DNMT3A: variants seen among roughly 807,000 people sequenced by gnomAD.
DNMT3A encodes DNA (cytosine-5)-methyltransferase 3A.
Under a neutral mutation model 117.6 loss-of-function variants are expected in DNMT3A, and 267 were observed. The observed-to-expected ratio is 2.27, with a 90% CI of 2.05 to 2.51. DNMT3A has a LOEUF of 2.51. Among genes scored for constraint, DNMT3A ranks in the 30% most tolerant of loss-of-function variants. The pLI, the probability that DNMT3A is intolerant of heterozygous loss-of-function variation, is 0.00. For missense variants in DNMT3A, 1,029 were observed against 1,260.2 expected, an observed-to-expected ratio of 0.82 and a Z score of 2.78; for synonymous variants, 432 against 474.8, an observed-to-expected ratio of 0.91 and a Z score of 1.17.
In DNMT3A at chr2:25,243,670, C is replaced by T. The variant is rs141272943; in HGVS notation, c.1936+228G>A. Among the ~76,000 whole-genome samples the T allele has an allele frequency of 2.8e-3, 422 of 152,346 alleles. 2 individuals are homozygous for T. Among genetic ancestry groups the T allele is most frequent in the African/African-American group, 9.4e-3 (393 of 41,590 alleles). ...GGCTGAATCTTCCTTACTAAGGAAG[C>T]GCCCAGCAGGCAGGCTGCTTTACCA... On this transcript the variant is annotated intron_variant, in intron 16 of 22. Coordinates refer to ENST00000321117, the MANE Select transcript of DNMT3A (RefSeq NM_022552.5).
In DNMT3A at chr2:25,249,418, G is replaced by A. The variant is rs558883676; in HGVS notation, c.640-1166C>T. Among the ~76,000 whole-genome samples, 6 of 152,294 alleles carry A rather than the reference G, an allele frequency of 3.9e-5. No individual in the cohort carries two copies. In the South Asian group the frequency reaches 1.2e-3, roughly 32 times the overall value. On this transcript the variant is annotated intron_variant, in intron 6 of 22. Transcript: ENST00000321117. ...TCAAACACCATAGGAAGCTCCCCAAGAGCCTGTCTGTTCCCATGCTCAGAC... is the reference window on the plus strand; with the variant it reads ...TCAAACACCATAGGAAGCTCCCCAAAAGCCTGTCTGTTCCCATGCTCAGAC...
Position 25,298,248 on chromosome 2 carries a change from C to T in DNMT3A, c.177+1891G>A, listed in dbSNP as rs1295584074. Among the ~76,000 whole-genome samples the T allele has an allele frequency of 2.6e-5, 4 of 152,166 alleles. No homozygotes were observed. The highest frequency in any genetic ancestry group is 1.9e-4 in the East Asian group (1 of 5,174). ...CAGTGTTTTTCCTTCTGCCCTGGAGCGTGCTTCAGGCCAGGGGATGTAGGA... is the reference window on the plus strand; with the variant it reads ...CAGTGTTTTTCCTTCTGCCCTGGAGTGTGCTTCAGGCCAGGGGATGTAGGA... On this transcript the variant is annotated intron_variant, in intron 3 of 22. Coordinates refer to ENST00000321117, the MANE Select transcript of DNMT3A (RefSeq NM_022552.5). The surrounding 1 kb of genome is among the most constrained non-coding windows in gnomAD (Gnocchi z 4.3).
chr2:25,242,851 T>C (rs13002567), intron 16 of DNMT3A, among the ~76,000 whole-genome samples: 33,820 of 152,114 alleles, frequency 0.22, 4,702 homozygotes, highest in Non-Finnish European at 0.33. Context: ...CCTAAAGGTT[T>C]TCCTAAGGAG....
chr2:25,332,794 A>G (rs2035063718), intron 1 of DNMT3A, among the ~76,000 whole-genome samples: 1 of 152,262 alleles, frequency 6.6e-6, no homozygotes, highest in Admixed American at 6.5e-5. Flanking sequence ...GGGAACCACC[A>G]GCCTGTGCGT....
chr2:25,235,888 C>A, intron 21 of DNMT3A, 63 bp from the exon 22 acceptor site: 1 of 1,433,710 alleles, frequency 7.0e-7, no homozygotes, highest in Non-Finnish European at 9.8e-7. Flanking sequence ...ACTGGTCATG[C>A]GTCTACCAAA....
intron 1 of DNMT3A, among the ~76,000 whole-genome samples, chr2:25,330,460 G>T (rs1317605420): frequency 6.6e-6 from 1 of 152,168 alleles, no homozygotes; most frequent in Non-Finnish European, 1.5e-5. Context: ...CCTCCAGAAT[G>T]CAGAGATGCT....
intron 3 of DNMT3A, among the ~76,000 whole-genome samples, chr2:25,289,751 C>G (rs2032605463): frequency 6.6e-6 from 1 of 152,216 alleles, no homozygotes; most frequent in African/African-American, 2.4e-5. Context: ...CTGAGCAGCG[C>G]TCAATTCAAG....
chr2:25,276,065 G>A (rs564236839), intron 4 of DNMT3A, among the ~76,000 whole-genome samples: 4 of 152,218 alleles, frequency 2.6e-5, no homozygotes, highest in African/African-American at 4.8e-5. Flanking sequence ...GGTGGGTACC[G>A]GGCCAACTGG....
chr2:25,240,776 A>T lies in DNMT3A; in HGVS notation c.2083-46T>A, dbSNP rs1673934972. ...TGATGGGCCTGCTGTCCAGGGACAG[A>T]GGCAGACAGGAAGAAAGAGAAATTA... On this transcript the variant is annotated intron_variant, in intron 17 of 22. Transcript: ENST00000321117. 5.7e-6 allele frequency: 9 copies of T among 1,570,310 alleles called. No homozygotes were observed. The South Asian group carries it at 1.0e-4, about 17-fold the overall frequency.
rs945989833 is a variant in DNMT3A, at chr2:25,232,726, A to G, written c.*1553T>C. ...CCCTGCTCCCGCACCTTGGTTTGAAACCTAAAGGGAAGGGTGTTGGGTTTT... is the reference window on the plus strand; with the variant it reads ...CCCTGCTCCCGCACCTTGGTTTGAAGCCTAAAGGGAAGGGTGTTGGGTTTT... On this transcript the variant is annotated 3_prime_UTR_variant, in exon 23 of 23. Transcript: ENST00000321117. This position sits in a 1 kb window ranked among gnomAD's most constrained non-coding sequence, Gnocchi z 4.1. 5.7e-6 allele frequency: 1 copy of G among 175,542 alleles called. No homozygotes were observed. Among genetic ancestry groups the G allele is most frequent in the Non-Finnish European group, 1.2e-5 (1 of 81,568 alleles). 10.9% of individuals were successfully genotyped at this position (175,542 alleles called of 1,614,324 possible). A position where few individuals can be genotyped will look rare whatever the true frequency, so the allele number is the denominator to read the frequency against.
chr2:25,278,580 C>T (rs2031643698), intron 4 of DNMT3A, among the ~76,000 whole-genome samples: 1 of 152,260 alleles, frequency 6.6e-6, no homozygotes, highest in African/African-American at 2.4e-5. Flanking sequence ...AATCTCAGCA[C>T]TTTGGAAGGC....
In DNMT3A at chr2:25,234,461, C is replaced by T; in HGVS notation, c.2598-41G>A. 6.3e-7 allele frequency: 1 copy of T among 1,583,446 alleles called. No individual in the cohort carries two copies. The highest frequency in any genetic ancestry group is 8.6e-7 in the Non-Finnish European group (1 of 1,160,658). ...CAGAGAGGGCAGGGTGAGTGCTGGC[C>T]AGACCAGGCTGCCCGGAAGCCGTCT... On this transcript the variant is annotated intron_variant, in intron 22 of 22. Transcript: ENST00000321117. The surrounding 1 kb of genome is among the most constrained non-coding windows in gnomAD (Gnocchi z 4.5).
intron 1 of DNMT3A, among the ~76,000 whole-genome samples, chr2:25,316,303 G>A (rs1453874501): frequency 6.6e-6 from 1 of 152,224 alleles, no homozygotes; most frequent in African/African-American, 2.4e-5. Context: ...ACAGGGCATT[G>A]GCCCCAAGGG....
chr2:25,271,358 GACAA>G (rs745630317), intron 6 of DNMT3A, among the ~76,000 whole-genome samples: 3 of 152,074 alleles, frequency 2.0e-5, no homozygotes, highest in Non-Finnish European at 4.4e-5. Flanking sequence ...CTCAAAAACA[GACAA>G]ACAAAGAAAA....
At chr2:25,280,731 C>T (rs2031831770) in intron 4 of DNMT3A, among the ~76,000 whole-genome samples, 1 of 152,318 alleles carries the variant, frequency 6.6e-6, no homozygotes, top group East Asian at 1.9e-4. Context: ...TTTCCCCAGT[C>T]CCTGGTATGG....
intron 19 of DNMT3A, among the ~76,000 whole-genome samples, chr2:25,239,823 C>T (rs1049892548): frequency 3.3e-5 from 5 of 152,226 alleles, no homozygotes; most frequent in East Asian, 1.9e-4. Flanking sequence ...GCCCTCTGCA[C>T]GCGGCTCAGA....
At position 25,252,094 on chromosome 2, in the gene DNMT3A, T is replaced by C; in HGVS notation, c.640-3842A>G. On this transcript the variant is annotated intron_variant, in intron 6 of 22. Transcript: ENST00000321117. The surrounding 1 kb of genome is among the most constrained non-coding windows in gnomAD (Gnocchi z 5.5). ...GCGGCTGCTGCGGGCCGGGGAGGCA[T>C]ACTTCACTCTTTTCAAACCCGGAGG... 1 of 1,433,536 alleles carries C rather than the reference T, an allele frequency of 7.0e-7. No homozygotes were observed. Among genetic ancestry groups the C allele is most frequent in the South Asian group, 1.3e-5 (1 of 78,698 alleles). 88.8% of individuals were successfully genotyped at this position (1,433,536 alleles called of 1,614,324 possible).
chr2:25,303,526 G>C (rs557001347), intron 2 of DNMT3A, among the ~76,000 whole-genome samples: 8 of 152,388 alleles, frequency 5.2e-5, no homozygotes, highest in African/African-American at 1.7e-4. Context: ...GACAGGTCCA[G>C]AGAGGGCGGG....
rs549167321 is a variant in DNMT3A at position 25,245,286 on chromosome 2, G to T, written c.1521C>A (p.Pro507=). 1 of 1,613,984 alleles carries T rather than the reference G, an allele frequency of 6.2e-7. No homozygotes were observed. Among genetic ancestry groups the T allele is most frequent in the Non-Finnish European group, 8.5e-7 (1 of 1,179,996 alleles). ...CGSLNVTLEH[P]LFVGGMCQNC... ...TTTGGCACATTCCTCCAACGAAGAG[G>T]GGGTGTTCCAGGGTAACATTGAGGC... is the stretch of plus-strand genomic sequence containing the variant. Residue 507 remains proline (P), a synonymous_variant, in exon 13 of 23, where the codon CCC becomes CCA. Transcript: ENST00000321117.
Sources: gnomAD v4.1 joint callset for allele counts (sites outside exome capture counted in the v4.1 genomes callset) on GRCh38, gnomAD v4.1.1 for gene constraint, Gnocchi (gnomAD v3.1) non-coding constraint, MANE v1.5 for transcripts, NCBI Gene and HGNC (gene_info 2026-07-23, HGNC 2026-07-21) for gene names.